Variants in CATSPER2 observed in about 807,000 individuals in gnomAD.
The protein encoded by CATSPER2 is cation channel sperm associated 2.
A neutral mutation model predicts 68.8 loss-of-function variants in CATSPER2; 56 were observed. The observed-to-expected ratio is 0.81, with a 90% confidence interval of 0.66 to 1.02. The LOEUF (loss-of-function observed/expected upper bound fraction) is 1.02, where lower values mean the gene tolerates loss of function less well. Among genes scored for constraint, CATSPER2 ranks in the 50% least tolerant of loss-of-function variants. The probability of loss-of-function intolerance (pLI) is 0.00; values close to 1 mark genes in which losing one functional copy is unlikely to be tolerated. For synonymous variants in CATSPER2, 198 were observed against 229.9 expected, an observed-to-expected ratio of 0.86 and a Z score of 1.26; for missense variants, 582 against 642.0, an observed-to-expected ratio of 0.91 and a Z score of 1.01.
At chr15:43,645,454 T>G (rs2086147273) in intron 4 of CATSPER2, among the ~76,000 whole-genome samples, 1 of 151,722 alleles carries the variant, frequency 6.6e-6, no homozygotes, top group Non-Finnish European at 1.5e-5. Flanking sequence ...CTGTGTGAAA[T>G]AAACAGCCAA....
In CATSPER2 at chr15:43,639,679, A is replaced by T. The variant is rs773207863; in HGVS notation, c.681T>A (p.Ile227=). 1.9e-6 allele frequency: 3 copies of T among 1,613,058 alleles called. No individual in the cohort carries two copies. Among genetic ancestry groups the T allele is most frequent in the Non-Finnish European group, 2.5e-6 (3 of 1,179,618 alleles). The change falls in exon 6 of 13, where the codon ATT becomes ATA. Residue 227 remains isoleucine (I), a synonymous_variant. Coordinates refer to ENST00000396879, the MANE Select transcript of CATSPER2 (RefSeq NM_172095.4). ...TGACCAGGACCAAAATAATAATTTG[A>T]ATTTGACGGAATTGTGCAAGGAGTT... ...SLKLLAQFRQ[I]QIIILVLVRA...
In CATSPER2 at chr15:43,645,126, G is replaced by A. The variant is rs533172406; in HGVS notation, c.388+1924C>T. On this transcript the variant is annotated intron_variant, in intron 4 of 12. Coordinates refer to ENST00000396879, the MANE Select transcript of CATSPER2 (RefSeq NM_172095.4). ...TAGGCTGGAGTTCCGTTGCATGATG[G>A]CTCACTGCAACCTCCGCCTCCCAGG... Among the ~76,000 whole-genome samples, 9 of 151,950 alleles carry A rather than the reference G, an allele frequency of 5.9e-5. 1 individual carries two copies. In the East Asian group the frequency reaches 1.4e-3, roughly 23 times the overall value.
chr15:43,643,605 G>A (rs1182984646), intron 4 of CATSPER2, among the ~76,000 whole-genome samples: 41 of 151,808 alleles, frequency 2.7e-4, no homozygotes, highest in Admixed American at 2.4e-3. Context: ...CCAAATTGCT[G>A]GGATTACAGG....
intron 2 of CATSPER2, 110 bp downstream of exon 2, chr15:43,647,807 T>C (rs2086198096): frequency 1.6e-6 from 2 of 1,227,186 alleles, no homozygotes; most frequent in Non-Finnish European, 2.4e-6. Context: ...CCTTGATTTA[T>C]CAAGTTTGGT....
intron 4 of CATSPER2, chr15:43,642,994 A>G (rs866546733): frequency 2.0e-5 from 3 of 152,038 alleles, no homozygotes; most frequent in South Asian, 4.2e-4. Context: ...TTAGCCAGTG[A>G]AGTGAAGTAG....
rs781356966 is a variant in CATSPER2 at position 43,636,091 on chromosome 15, C to G, written c.971G>C (p.Trp324Ser). The G allele has an allele frequency of 4.4e-6, 7 of 1,597,042 alleles. No homozygotes were observed. In the East Asian group the frequency reaches 8.9e-5, roughly 20 times the overall value. ...AAAGATAATGGAGCCAAGCAACAAC[C>G]AAAGGATGAAATAGATGCTGCTGAA... ...RIFSSIYFIL[W>S]LLLGSIIFRS... Residue 324 changes from tryptophan (W) to serine (S), a missense_variant, in exon 8 of 13, where the codon TGG (tryptophan) becomes TCG (serine). Around this residue, in one of 5 missense-constraint regions of CATSPER2, gnomAD observed 235 missense variants for 264.2 expected, o/e 0.89. Coordinates refer to ENST00000396879, the MANE Select transcript of CATSPER2 (RefSeq NM_172095.4).
rs138485813 is a variant in CATSPER2 at position 43,636,596 on chromosome 15, G to A, written c.843-377C>T. Among the ~76,000 whole-genome samples, 96 of 151,458 alleles carry A rather than the reference G, an allele frequency of 6.3e-4. No homozygotes were observed. In the East Asian group the frequency reaches 0.017, roughly 27 times the overall value. On this transcript the variant is annotated intron_variant, in intron 7 of 12. Coordinates refer to ENST00000396879, the MANE Select transcript of CATSPER2 (RefSeq NM_172095.4). ...AGTAGAGATGGGGTTTTGTCATGTTGGCCAGGCTGGTCTCGAACTCCTGAC... is the reference window on the plus strand; with the variant it reads ...AGTAGAGATGGGGTTTTGTCATGTTAGCCAGGCTGGTCTCGAACTCCTGAC...
chr15:43,646,556 C>T (rs1182263954), intron 4 of CATSPER2, among the ~76,000 whole-genome samples: 1 of 151,490 alleles, frequency 6.6e-6, no homozygotes, highest in East Asian at 1.9e-4. Flanking sequence ...CTACCGTGCC[C>T]AGCGAATATT....
At position 43,632,269 on chromosome 15, in the gene CATSPER2, G is replaced by A; in HGVS notation, c.1491C>T (p.Phe497=). 6.2e-7 allele frequency: 1 copy of A among 1,613,592 alleles called. No homozygotes were observed. Among genetic ancestry groups the A allele is most frequent in the South Asian group, 1.1e-5 (1 of 91,038 alleles). Residue 497 remains phenylalanine (F), a synonymous_variant, in exon 12 of 13, where the codon TTC becomes TTT. Transcript: ENST00000396879. The part of the protein sequence containing the change: ...DDRVWPRDSL[F]RYFELLEKLQ... Reference sequence around the variant, plus strand: ...GCTTTTCTAGCAACTCAAAATATCGGAAGAGTGAGTCTCTGGGCCAAACAC... The same window carrying A: ...GCTTTTCTAGCAACTCAAAATATCGAAAGAGTGAGTCTCTGGGCCAAACAC...
chr15:43,645,405 C>T (rs751646637), intron 4 of CATSPER2, among the ~76,000 whole-genome samples: 4 of 151,888 alleles, frequency 2.6e-5, no homozygotes, highest in Non-Finnish European at 5.9e-5. Context: ...GAGTCCTGAA[C>T]TGGCTACAGG....
At chr15:43,646,098 G>A (rs1266243752) in intron 4 of CATSPER2, among the ~76,000 whole-genome samples, 5 of 151,760 alleles carry the variant, frequency 3.3e-5, no homozygotes, top group Admixed American at 6.6e-5. Flanking sequence ...ATCGTTCACT[G>A]ATAGGCACCA....
chr15:43,643,434 T>G (rs2141574902), intron 4 of CATSPER2, among the ~76,000 whole-genome samples: 1 of 151,628 alleles, frequency 6.6e-6, no homozygotes, highest in African/African-American at 2.4e-5. Context: ...GCCTCCCAGG[T>G]TCAAGCGATT....
chr15:43,639,898 A>G, intron 5 of CATSPER2, 100 bp from the exon 6 acceptor site: 1 of 1,604,034 alleles, frequency 6.2e-7, no homozygotes, highest in Non-Finnish European at 8.5e-7. Flanking sequence ...CCTGGGCGTT[A>G]TCCCTTGAAT....
Position 43,639,629 on chromosome 15 carries a change from A to C in CATSPER2, c.717+14T>G, listed in dbSNP as rs1391416767. 1 of 1,612,562 alleles carries C rather than the reference A, an allele frequency of 6.2e-7. No individual in the cohort carries two copies. The highest frequency in any genetic ancestry group is 8.5e-7 in the Non-Finnish European group (1 of 1,179,182). ...TACCTTGCCCCCTGCTTTAGCTTGC[A>C]ACAGTCAAATCACCTTGAGGGCCCT... is the stretch of plus-strand genomic sequence containing the variant. On this transcript the variant is annotated intron_variant, in intron 6 of 12. Transcript: ENST00000396879.
chr15:43,647,238 A>C, intron 3 of CATSPER2, 56 bp downstream of exon 3: 1 of 1,580,076 alleles, frequency 6.3e-7, no homozygotes, highest in South Asian at 1.1e-5. Flanking sequence ...GCAAAAAATA[A>C]GTCATTAGGC....
Position 43,636,292 on chromosome 15 carries a change from T to C in CATSPER2, c.843-73A>G, listed in dbSNP as rs150823426. The C allele has an allele frequency of 3.7e-4, 578 of 1,556,970 alleles. 10 individuals are homozygous for C. The African/African-American group carries it at 7.2e-3, about 19-fold the overall frequency. ...TCAAAAATGGTACCATTCTTACTTT[T>C]AAAGAAACATAAAGCATTTCTTTGT... On this transcript the variant is annotated intron_variant, in intron 7 of 12. Coordinates refer to ENST00000396879, the MANE Select transcript of CATSPER2 (RefSeq NM_172095.4).
chr15:43,642,258 C>A (rs1270684628), intron 4 of CATSPER2: 2 of 151,916 alleles, frequency 1.3e-5, no homozygotes, highest in Admixed American at 1.3e-4. Flanking sequence ...CGCCACCATG[C>A]CCAGCTAATT....
intron 9 of CATSPER2, 39 bp from the exon 10 acceptor site, chr15:43,635,455 T>C (rs759592166): frequency 1.9e-6 from 3 of 1,592,740 alleles, no homozygotes; most frequent in Admixed American, 1.7e-5. Flanking sequence ...GACAGTTATA[T>C]TCAAGCAAAA....
intron 4 of CATSPER2, among the ~76,000 whole-genome samples, chr15:43,641,115 GT>G (rs931000412): frequency 2.9e-5 from 4 of 136,714 alleles, no homozygotes; most frequent in African/African-American, 6.6e-5. Flanking sequence ...TTTGTTTTTT[GT>G]TTTTTGTTTT....
Sources: gnomAD v4.1 joint callset for allele counts (sites outside exome capture counted in the v4.1 genomes callset) on GRCh38, gnomAD v4.1.1 for gene constraint, gnomAD v4.1.1 regional missense constraint, MANE v1.5 for transcripts, NCBI Gene and HGNC (gene_info 2026-07-23, HGNC 2026-07-21) for gene names.